The following ARHGAP22 variants were observed in gnomAD, a reference collection of about 807,000 sequenced individuals.
ARHGAP22 encodes rho GTPase-activating protein 22.
ARHGAP22 carries 48 observed loss-of-function variants against 59.1 expected under a neutral mutation model. The observed-to-expected ratio is 0.81, with a 90% CI of 0.64 to 1.03. The LOEUF (loss-of-function observed/expected upper bound fraction) is 1.03. Ranked by LOEUF, ARHGAP22 falls within the 50% of genes least tolerant of loss-of-function variation. The probability of loss-of-function intolerance (pLI) is 0.00; values close to 1 mark genes in which losing one functional copy is unlikely to be tolerated. For missense variants in ARHGAP22, 1,015 were observed against 958.7 expected, an observed-to-expected ratio of 1.06 and a Z score of -0.78; for synonymous variants, 445 against 416.4, an observed-to-expected ratio of 1.07 and a Z score of -0.84.
rs75168685 is a variant in ARHGAP22 at position 48,449,340 on chromosome 10, C to A, written c.1868+921G>T. On this transcript the variant is annotated intron_variant, in intron 9 of 9. Coordinates refer to ENST00000249601, the MANE Select transcript of ARHGAP22 (RefSeq NM_021226.4). Reference sequence around the variant, plus strand: ...AGAGGCCTCTGCCCTCAAGGTCCCTCTCCTTCTCTTCCTTTTGCAGACATG... The same window carrying A: ...AGAGGCCTCTGCCCTCAAGGTCCCTATCCTTCTCTTCCTTTTGCAGACATG... Among the ~76,000 whole-genome samples the A allele has an allele frequency of 6.6e-4, 101 of 152,360 alleles. 1 individual carries two copies. In the East Asian group the frequency reaches 0.018, roughly 27 times the overall value.
upstream of ARHGAP22, among the ~76,000 whole-genome samples, chr10:48,608,841 T>C (rs916255345): frequency 2.6e-5 from 4 of 152,228 alleles, no homozygotes; most frequent in African/African-American, 9.6e-5. Flanking sequence ...AAACTTATAA[T>C]TAAATAAACT....
intron 1 of ARHGAP22, 126 bp downstream of exon 1, chr10:48,604,637 T>G: frequency 1.4e-6 from 2 of 1,461,542 alleles, no homozygotes; most frequent in African/African-American, 2.8e-5. Context: ...TGCTCACTAT[T>G]CAGCGGCAAT....
chr10:48,540,329 A>G (rs1252807796), intron 3 of ARHGAP22, among the ~76,000 whole-genome samples: 1 of 152,142 alleles, frequency 6.6e-6, no homozygotes, highest in African/African-American at 2.4e-5. Flanking sequence ...CTCCACCTCC[A>G]GGGTTCATTC....
chr10:48,493,726 T>C, intron 3 of ARHGAP22: 1 of 1,240,352 alleles, frequency 8.1e-7, no homozygotes, highest in Non-Finnish European at 1.0e-6. Context: ...AAGGACTTGC[T>C]GGGATCCCCG....
chr10:48,547,230 C>T (rs987588388), intron 3 of ARHGAP22, among the ~76,000 whole-genome samples: 1 of 152,258 alleles, frequency 6.6e-6, no homozygotes. Context: ...ACATCTGCAT[C>T]CGCGTGTGGT....
intron 3 of ARHGAP22, among the ~76,000 whole-genome samples, chr10:48,509,597 G>A (rs1268916470): frequency 1.3e-5 from 2 of 152,194 alleles, no homozygotes; most frequent in African/African-American, 2.4e-5. Flanking sequence ...AGGGCAGGAT[G>A]CTGGGTGACC....
upstream of ARHGAP22, among the ~76,000 whole-genome samples, chr10:48,654,664 C>T (rs771073473): frequency 1.6e-4 from 6 of 37,850 alleles, no homozygotes; most frequent in Non-Finnish European, 3.5e-4. Context: ...GAGACTGCCC[C>T]GCTGGTGTGG....
chr10:48,452,857 T>C (rs764852670), intron 8 of ARHGAP22, among the ~76,000 whole-genome samples: 13 of 123,868 alleles, frequency 1.0e-4, no homozygotes, highest in Non-Finnish European at 2.0e-4. Flanking sequence ...CGGCTGCTGT[T>C]GCTGCTATTT....
intron 3 of ARHGAP22, among the ~76,000 whole-genome samples, chr10:48,505,923 T>C (rs943985901): frequency 2.0e-5 from 3 of 152,220 alleles, no homozygotes; most frequent in African/African-American, 7.2e-5. Context: ...CAATACTCCG[T>C]ATCCCAGTTC....
intron 1 of ARHGAP22, among the ~76,000 whole-genome samples, chr10:48,614,778 A>G (rs2061018687): frequency 6.6e-6 from 1 of 152,236 alleles, no homozygotes; most frequent in Admixed American, 6.5e-5. Context: ...CTTGCAAATG[A>G]CAGCCCTGGT....
intron 3 of ARHGAP22, among the ~76,000 whole-genome samples, chr10:48,527,357 A>G (rs2054418213): frequency 3.3e-5 from 5 of 151,768 alleles, no homozygotes; most frequent in Admixed American, 6.6e-5. Flanking sequence ...GGGTGAATAC[A>G]TGAATGGATG....
intron 1 of ARHGAP22, among the ~76,000 whole-genome samples, chr10:48,643,883 C>T (rs2062174875): frequency 1.3e-5 from 2 of 152,034 alleles, no homozygotes; most frequent in African/African-American, 2.4e-5. Flanking sequence ...CGTGGTGGCT[C>T]ACGCCTGTAA....
intron 2 of ARHGAP22, among the ~76,000 whole-genome samples, chr10:48,571,089 T>C (rs1293366822): frequency 1.3e-5 from 2 of 152,200 alleles, no homozygotes; most frequent in African/African-American, 4.8e-5. Flanking sequence ...CTTTTGACTT[T>C]TGGAGTTGAG....
At chr10:48,522,584 G>A (rs2053905323) in intron 3 of ARHGAP22, among the ~76,000 whole-genome samples, 2 of 152,234 alleles carry the variant, frequency 1.3e-5, no homozygotes, top group South Asian at 4.1e-4. Flanking sequence ...GCTCGTCCAG[G>A]CCCTGGCGGG....
intron 3 of ARHGAP22, among the ~76,000 whole-genome samples, chr10:48,505,247 G>A (rs2051980369): frequency 6.6e-6 from 1 of 152,086 alleles, no homozygotes; most frequent in African/African-American, 2.4e-5. Context: ...TAGAGATGAG[G>A]TTTCACCATA....
At chr10:48,581,410 T>G (rs7086059) in intron 2 of ARHGAP22, among the ~76,000 whole-genome samples, 61,680 of 152,120 alleles carry the variant, frequency 0.41, 13,389 homozygotes, top group Non-Finnish European at 0.49. Context: ...TCAGAAAACT[T>G]TTGTTCACAC....
intron 3 of ARHGAP22, among the ~76,000 whole-genome samples, chr10:48,483,796 T>C (rs1471324186): frequency 6.6e-6 from 1 of 152,240 alleles, no homozygotes; most frequent in Non-Finnish European, 1.5e-5. Flanking sequence ...ATGAACAGTT[T>C]GCAAATATTT....
intron 2 of ARHGAP22, among the ~76,000 whole-genome samples, chr10:48,573,968 T>G (rs908829449): frequency 1.3e-5 from 2 of 152,218 alleles, no homozygotes; most frequent in Non-Finnish European, 2.9e-5. Flanking sequence ...CCTGGCCTTG[T>G]GGAGATGCTG....
chr10:48,569,050 T>A (rs1432079996), intron 2 of ARHGAP22, among the ~76,000 whole-genome samples: 1 of 152,192 alleles, frequency 6.6e-6, no homozygotes, highest in East Asian at 1.9e-4. Flanking sequence ...CCAGGGCCCC[T>A]CCTTGGAGTG....
Sources: gnomAD v4.1 joint callset for allele counts (sites outside exome capture counted in the v4.1 genomes callset) on GRCh38, gnomAD v4.1.1 for gene constraint, MANE v1.5 for transcripts, NCBI Gene and HGNC (gene_info 2026-07-23, HGNC 2026-07-21) for gene names.